The following MCPH1 variants were observed in gnomAD, a reference collection of about 807,000 sequenced individuals.
MCPH1 encodes the protein microcephalin 1, also known as microcephalin.
In MCPH1, 104 loss-of-function variants were observed where a neutral mutation model predicts 84.5. That is an observed-to-expected ratio of 1.23 (90% CI 1.05 to 1.45). The LOEUF (loss-of-function observed/expected upper bound fraction) is 1.45. Ranked by LOEUF, MCPH1 falls within the 40% of genes most tolerant of loss-of-function variation. The probability of loss-of-function intolerance (pLI) is 0.00; values close to 1 mark genes in which losing one functional copy is unlikely to be tolerated. For missense variants in MCPH1, 1,498 were observed against 1,005.7 expected (o/e 1.49, Z -6.62); for synonymous variants, 514 against 366.8 (o/e 1.40, Z -4.58).
rs866771339 is a variant in MCPH1 at position 6,565,392 on chromosome 8, G to A, written c.2215-56062G>A. On this transcript the variant is annotated intron_variant, in intron 12 of 13. Transcript: ENST00000344683. Reference sequence around the variant, plus strand: ...TCCTGTTTGAAAAAGCATATTGTAAGGTATTAATATCACATATGTGGTTTT... The same window carrying A: ...TCCTGTTTGAAAAAGCATATTGTAAAGTATTAATATCACATATGTGGTTTT... Among the ~76,000 whole-genome samples, 3 of 152,228 alleles carry A rather than the reference G, an allele frequency of 2.0e-5. No individual in the cohort carries two copies. The South Asian group carries it at 6.2e-4, about 32-fold the overall frequency.
At chr8:6,434,666 A>G (rs1311154348) in intron 4 of MCPH1, among the ~76,000 whole-genome samples, 1 of 152,216 alleles carries the variant, frequency 6.6e-6, no homozygotes, top group Non-Finnish European at 1.5e-5. Flanking sequence ...TGAATAACTA[A>G]CAGAGCAAGA....
intron 12 of MCPH1, among the ~76,000 whole-genome samples, chr8:6,533,281 A>T (rs937272311): frequency 3.3e-5 from 5 of 152,234 alleles, no homozygotes; most frequent in Non-Finnish European, 4.4e-5. Context: ...AGCTCATTTC[A>T]CTGCCATTGG....
At chr8:6,616,559 G>A (rs377408229) in intron 12 of MCPH1, 76 of 152,302 alleles carry the variant, frequency 5.0e-4, no homozygotes, top group Admixed American at 2.7e-3. Context: ...ATGTCCCTTC[G>A]GCCTTAACTG....
chr8:6,471,185 T>C (rs1313137935), intron 9 of MCPH1, among the ~76,000 whole-genome samples: 1 of 152,174 alleles, frequency 6.6e-6, no homozygotes, highest in Non-Finnish European at 1.5e-5. Flanking sequence ...AGTACCAGGC[T>C]TCTTTCCCCA....
chr8:6,578,437 C>G (rs1827287539), intron 12 of MCPH1, among the ~76,000 whole-genome samples: 1 of 152,180 alleles, frequency 6.6e-6, no homozygotes, highest in Non-Finnish European at 1.5e-5. Flanking sequence ...GAACTAATAT[C>G]CATGTTTTCT....
intron 13 of MCPH1, among the ~76,000 whole-genome samples, chr8:6,640,916 G>C (rs1396318601): frequency 6.6e-6 from 1 of 152,140 alleles, no homozygotes; most frequent in Non-Finnish European, 1.5e-5. Flanking sequence ...CCCCCTGTGA[G>C]TCATCTCTTA....
At chr8:6,559,935 G>A (rs1274724853) in intron 12 of MCPH1, among the ~76,000 whole-genome samples, 2 of 152,206 alleles carry the variant, frequency 1.3e-5, no homozygotes, top group Non-Finnish European at 2.9e-5. Context: ...ATTCCTCTGA[G>A]TTCATTCAGA....
intron 12 of MCPH1, among the ~76,000 whole-genome samples, chr8:6,550,309 C>T (rs941065180): frequency 6.6e-6 from 1 of 152,160 alleles, no homozygotes; most frequent in Admixed American, 6.5e-5. Context: ...CTGCCTCTCC[C>T]TATGTGTGTG....
At chr8:6,622,012 CT>C (rs1344074893) in intron 13 of MCPH1, 5 of 411,988 alleles carry the variant, frequency 1.2e-5, no homozygotes, top group African/African-American at 8.3e-5. Flanking sequence ...CCGGGCACCC[CT>C]CTTAGACCCT....
chr8:6,547,021 G>C (rs1258921087), intron 12 of MCPH1, among the ~76,000 whole-genome samples: 1 of 152,150 alleles, frequency 6.6e-6, no homozygotes, highest in Non-Finnish European at 1.5e-5. Flanking sequence ...CTCGGAAGAA[G>C]CGTTCTCAGA....
At chr8:6,517,595 C>T (rs948262309) in intron 12 of MCPH1, among the ~76,000 whole-genome samples, 2 of 152,184 alleles carry the variant, frequency 1.3e-5, no homozygotes, top group South Asian at 4.1e-4. Flanking sequence ...TCCTGCCAGG[C>T]AGAGAAGTTG....
intron 10 of MCPH1, among the ~76,000 whole-genome samples, chr8:6,478,647 G>C (rs1808787541): frequency 6.6e-6 from 1 of 152,182 alleles, no homozygotes. Context: ...AGAGACACTT[G>C]TTACTTACTG....
chr8:6,493,211 A>T (rs1810849849), intron 11 of MCPH1, among the ~76,000 whole-genome samples: 1 of 152,232 alleles, frequency 6.6e-6, no homozygotes, highest in Non-Finnish European at 1.5e-5. Flanking sequence ...TTTCCTGGTC[A>T]TTGCTTAGCT....
chr8:6,508,840 C>A (rs770081719), intron 12 of MCPH1: 2 of 1,563,070 alleles, frequency 1.3e-6, no homozygotes, highest in African/African-American at 2.7e-5. Context: ...GACATCGTTA[C>A]AAATCACAAT....
chr8:6,489,856 A>C (rs1810368066), intron 11 of MCPH1, among the ~76,000 whole-genome samples: 1 of 152,316 alleles, frequency 6.6e-6, no homozygotes, highest in South Asian at 2.1e-4. Flanking sequence ...AAAAATTTAA[A>C]AAGTAAACTA....
In MCPH1 at chr8:6,532,794, A is replaced by G. The variant is rs559522822; in HGVS notation, c.2214+32865A>G. Among the ~76,000 whole-genome samples the G allele has an allele frequency of 1.3e-4, 20 of 152,326 alleles. No homozygotes were observed. The South Asian group carries it at 3.7e-3, about 28-fold the overall frequency. On this transcript the variant is annotated intron_variant, in intron 12 of 13. Coordinates refer to ENST00000344683, the MANE Select transcript of MCPH1 (RefSeq NM_024596.5). Reference sequence around the variant, plus strand: ...GCAGGCCACAGAGGGTGGTGAGGGCAGCCACAGGGACTGCTGGGTGCGGCC... The same window carrying G: ...GCAGGCCACAGAGGGTGGTGAGGGCGGCCACAGGGACTGCTGGGTGCGGCC...
chr8:6,621,211 CT>C (rs532366531), intron 12 of MCPH1: 420 of 501,080 alleles, frequency 8.4e-4, no homozygotes, highest in East Asian at 1.2e-3. Flanking sequence ...AAGGCCTACA[CT>C]TTTTTTTTTC....
At chr8:6,627,367 CT>C in intron 13 of MCPH1, 1 of 881,732 alleles carries the variant, frequency 1.1e-6, no homozygotes, top group Non-Finnish European at 1.4e-6. Context: ...TCCAGCCCCT[CT>C]CCTCCAAGGA....
At chr8:6,532,285 A>C in intron 12 of MCPH1, 1 of 1,611,342 alleles carries the variant, frequency 6.2e-7, no homozygotes, top group African/African-American at 1.3e-5. Context: ...ACTGAGTGCT[A>C]GTCTCTAGCT....
Sources: allele counts gnomAD v4.1 joint callset (sites outside exome capture counted in the v4.1 genomes callset), GRCh38; gene constraint gnomAD v4.1.1; transcripts MANE v1.5; gene names NCBI Gene and HGNC (gene_info 2026-07-23, HGNC 2026-07-21).